Variants in FAM227B observed in about 807,000 individuals in gnomAD.
FAM227B encodes the protein family with sequence similarity 227 member B.
FAM227B carries 88 observed loss-of-function variants against 73.8 expected under a neutral mutation model. The ratio of observed to expected loss-of-function variants is 1.19; its 90% CI spans 1.00 to 1.42. The LOEUF (loss-of-function observed/expected upper bound fraction) is 1.42. FAM227B is among the 40% of genes most tolerant of loss of function. The probability of loss-of-function intolerance (pLI) is 0.00; values close to 1 mark genes in which losing one functional copy is unlikely to be tolerated. For synonymous variants in FAM227B, 210 were observed against 190.5 expected (o/e 1.10, Z -0.84); for missense variants, 632 against 590.9 (o/e 1.07, Z -0.72).
chr15:49,616,197 G>T (rs2078277538), intron 1 of FAM227B, among the ~76,000 whole-genome samples: 1 of 152,102 alleles, frequency 6.6e-6, no homozygotes, highest in Admixed American at 6.6e-5. Flanking sequence ...ATTTGCAGAT[G>T]GAGCCTTTGA....
chr15:49,362,595 T>C (rs2044430335), intron 13 of FAM227B, among the ~76,000 whole-genome samples: 1 of 152,220 alleles, frequency 6.6e-6, no homozygotes, highest in Non-Finnish European at 1.5e-5. Context: ...TGTTGATAGG[T>C]CTTTTGCTGC....
chr15:49,347,164 A>G, intron 13 of FAM227B, among the ~76,000 whole-genome samples: 1 of 152,230 alleles, frequency 6.6e-6, no homozygotes, highest in East Asian at 1.9e-4. Flanking sequence ...GGGAAGGGCT[A>G]TTGAAAACAT....
At chr15:49,457,556 A>C (rs1442238017) in intron 11 of FAM227B, among the ~76,000 whole-genome samples, 2 of 152,018 alleles carry the variant, frequency 1.3e-5, no homozygotes, top group Non-Finnish European at 2.9e-5. Context: ...AATTCCTTAG[A>C]GAACAGAAAC....
chr15:49,407,130 G>A (rs570637191), intron 11 of FAM227B, among the ~76,000 whole-genome samples: 25 of 152,272 alleles, frequency 1.6e-4, no homozygotes, highest in Non-Finnish European at 2.5e-4. Context: ...GTCCCTGGCC[G>A]TGTTCTGCTA....
intron 11 of FAM227B, among the ~76,000 whole-genome samples, chr15:49,489,871 T>G (rs2056882359): frequency 2.5e-4 from 4 of 15,798 alleles, no homozygotes; most frequent in African/African-American, 4.6e-4. Context: ...TATATATATA[T>G]ATATATATAT....
In FAM227B at chr15:49,328,190, T is replaced by C; in HGVS notation, c.*378A>G. The C allele has an allele frequency of 6.3e-7, 1 of 1,583,904 alleles. No individual in the cohort carries two copies. On this transcript the variant is annotated 3_prime_UTR_variant, in exon 16 of 16. Coordinates refer to ENST00000299338, the MANE Select transcript of FAM227B (RefSeq NM_152647.3). The stretch of plus-strand genomic sequence containing the variant: ...TGTAAAAAGTCTGAGAGAAACTACT[T>C]AGGGCACTTAGGAATTGGCAGGACT...
intron 3 of FAM227B, among the ~76,000 whole-genome samples, chr15:49,598,348 T>C (rs950500653): frequency 3.9e-5 from 6 of 152,050 alleles, no homozygotes; most frequent in African/African-American, 1.4e-4. Flanking sequence ...TCAGTATTTC[T>C]AACAGTTTCT....
chr15:49,386,186 C>T (rs1306001491), intron 11 of FAM227B, among the ~76,000 whole-genome samples: 1 of 151,532 alleles, frequency 6.6e-6, no homozygotes, highest in Non-Finnish European at 1.5e-5. Context: ...CCCAAGATTT[C>T]CAGAATACAC....
chr15:49,498,807 C>T (rs568311577), intron 11 of FAM227B, among the ~76,000 whole-genome samples: 4 of 152,254 alleles, frequency 2.6e-5, no homozygotes, highest in African/African-American at 9.6e-5. Context: ...ACAAAAAGAG[C>T]AAGGGTTGCT....
intron 11 of FAM227B, among the ~76,000 whole-genome samples, chr15:49,433,847 T>G (rs1054366883): frequency 2.0e-5 from 3 of 151,724 alleles, no homozygotes; most frequent in Non-Finnish European, 4.4e-5. Flanking sequence ...AAAAAAACAG[T>G]AATTCATAGT....
intron 10 of FAM227B, among the ~76,000 whole-genome samples, chr15:49,523,362 T>C (rs1356781749): frequency 2.0e-5 from 3 of 152,088 alleles, no homozygotes; most frequent in Non-Finnish European, 4.4e-5. Flanking sequence ...TCTGATAATT[T>C]AAAAAATGGG....
chr15:49,574,404 C>T (rs928165112), intron 8 of FAM227B, among the ~76,000 whole-genome samples: 14 of 152,094 alleles, frequency 9.2e-5, no homozygotes. Flanking sequence ...GAGTGGTTTC[C>T]CCCACGATGT....
At chr15:49,379,828 G>C (rs905784499) in intron 11 of FAM227B, among the ~76,000 whole-genome samples, 1 of 152,146 alleles carries the variant, frequency 6.6e-6, no homozygotes, top group African/African-American at 2.4e-5. Context: ...TGATTGTACT[G>C]GGTCAGACCT....
rs912334852 is a variant in FAM227B at position 49,608,685 on chromosome 15, T to C, written c.105+2530A>G. On this transcript the variant is annotated intron_variant, in intron 3 of 15. Coordinates refer to ENST00000299338, the MANE Select transcript of FAM227B (RefSeq NM_152647.3). ...GAATGGGATTGAAATTATTATTTTC[T>C]CTATCATAAAATAATTTTGATCCTC... is the stretch of plus-strand genomic sequence containing the variant. 1.3e-5 allele frequency among the ~76,000 whole-genome samples: 2 copies of C among 152,110 alleles called. 1 individual carries two copies. The highest frequency in any genetic ancestry group is 2.9e-5 in the Non-Finnish European group (2 of 67,972).
chr15:49,379,569 G>T (rs1464160616), intron 11 of FAM227B, among the ~76,000 whole-genome samples: 9 of 152,134 alleles, frequency 5.9e-5, no homozygotes, highest in Admixed American at 5.9e-4. Flanking sequence ...CCATATATTT[G>T]CTCACAGTAG....
At chr15:49,592,841 C>G (rs1424979599) in intron 3 of FAM227B, among the ~76,000 whole-genome samples, 3 of 152,200 alleles carry the variant, frequency 2.0e-5, no homozygotes, top group Non-Finnish European at 4.4e-5. Context: ...GCAGTGGGCT[C>G]CACCCAGTTC....
rs555912862 is a variant in FAM227B, at chr15:49,541,914, C to T, written c.748-108G>A. On this transcript the variant is annotated intron_variant, in intron 9 of 15. Coordinates refer to ENST00000299338, the MANE Select transcript of FAM227B (RefSeq NM_152647.3). ...TAAATTTGCCTTGCAATTTATTAACCGAATAAAAATTCGCCATTTTTTAAA... is the reference window on the plus strand; with the variant it reads ...TAAATTTGCCTTGCAATTTATTAACTGAATAAAAATTCGCCATTTTTTAAA... 24 of 906,196 alleles carry T rather than the reference C, an allele frequency of 2.6e-5. No individual in the cohort carries two copies. In the South Asian group the frequency reaches 7.9e-4, roughly 30 times the overall value. The allele number at this position is 906,196 out of a possible 1,614,324, so 56.1% of individuals were successfully genotyped here. A position where few individuals can be genotyped will look rare whatever the true frequency, so the allele number is the denominator to read the frequency against.
At chr15:49,596,558 C>G (rs890009373) in intron 3 of FAM227B, among the ~76,000 whole-genome samples, 2 of 151,640 alleles carry the variant, frequency 1.3e-5, no homozygotes, top group East Asian at 3.9e-4. Context: ...AAAACAATAA[C>G]ACAAAGAAAA....
At chr15:49,351,702 G>C (rs1377079379) in intron 13 of FAM227B, among the ~76,000 whole-genome samples, 1 of 152,146 alleles carries the variant, frequency 6.6e-6, no homozygotes, top group Non-Finnish European at 1.5e-5. Flanking sequence ...AGTAACATTG[G>C]ACAGACAGAA....
Sources: allele counts gnomAD v4.1 joint callset (sites outside exome capture counted in the v4.1 genomes callset), GRCh38; gene constraint gnomAD v4.1.1; transcripts MANE v1.5; gene names NCBI Gene and HGNC (gene_info 2026-07-23, HGNC 2026-07-21).